The following UBE2L6 variants were observed in gnomAD, a reference collection of about 807,000 sequenced individuals.
The protein encoded by UBE2L6 is ubiquitin/ISG15-conjugating enzyme E2 L6.
In UBE2L6, 11 loss-of-function variants were observed where a neutral mutation model predicts 13.6. That is an observed-to-expected ratio of 0.81 (90% CI 0.51 to 1.34). UBE2L6 has a LOEUF of 1.34. Ranked by LOEUF, UBE2L6 falls within the 40% of genes most tolerant of loss-of-function variation. The pLI is 0.00. For missense variants in UBE2L6, 197 were observed against 199.5 expected (o/e 0.99, Z 0.07); for synonymous variants, 74 against 83.2 (o/e 0.89, Z 0.60).
At chr11:57,562,468 G>A (rs1945054675) in intron 1 of UBE2L6, among the ~76,000 whole-genome samples, 1 of 152,254 alleles carries the variant, frequency 6.6e-6, no homozygotes. Flanking sequence ...GAGCCCTAGG[G>A]CCTTGAGCGA....
chr11:57,561,082 C>G (rs1167421525), intron 1 of UBE2L6, among the ~76,000 whole-genome samples: 1 of 152,182 alleles, frequency 6.6e-6, no homozygotes, highest in Non-Finnish European at 1.5e-5. Flanking sequence ...TACTTAACCT[C>G]TGCTCTCTAG....
At chr11:57,556,456 T>C (rs1456214491) in intron 2 of UBE2L6, among the ~76,000 whole-genome samples, 1 of 151,866 alleles carries the variant, frequency 6.6e-6, no homozygotes, top group Non-Finnish European at 1.5e-5. Flanking sequence ...TGGTGGTGCA[T>C]GCCTGTAATA....
Position 57,552,477 on chromosome 11 carries a change from G to T in UBE2L6, c.343C>A (p.Pro115Thr). The T allele has an allele frequency of 1.2e-6, 2 of 1,614,172 alleles. No individual in the cohort carries two copies. Among genetic ancestry groups the T allele is most frequent in the Non-Finnish European group, 1.7e-6 (2 of 1,180,036 alleles). ...ATCCGCAGGGGCTCCCTGATATTCG[G>T]TCTATTCACCAGCACATTGAGGGCC... ...LEALNVLVNR[P>T]NIREPLRMDL... The change falls in exon 4 of 4, where the codon CCG becomes ACG. Residue 115 changes from proline (P) to threonine (T), a missense_variant. Coordinates refer to ENST00000287156, the MANE Select transcript of UBE2L6 (RefSeq NM_004223.5).
intron 1 of UBE2L6, among the ~76,000 whole-genome samples, chr11:57,563,972 C>T (rs1945066981): frequency 6.6e-6 from 1 of 152,032 alleles, no homozygotes; most frequent in Admixed American, 6.5e-5. Flanking sequence ...CTCAAAAGGG[C>T]AAATCTAAGA....
chr11:57,558,242 C>A (rs1945012129), intron 2 of UBE2L6, among the ~76,000 whole-genome samples: 1 of 152,052 alleles, frequency 6.6e-6, no homozygotes, highest in African/African-American at 2.4e-5. Context: ...CCATGCCCAG[C>A]TAATTTTTGT....
chr11:57,552,521 C>G lies in UBE2L6; in HGVS notation c.311-12G>C. 6.2e-7 allele frequency: 1 copy of G among 1,613,980 alleles called. No homozygotes were observed. On this transcript the variant is annotated splice_polypyrimidine_tract_variant and intron_variant, in intron 3 of 3. Coordinates refer to ENST00000287156, the MANE Select transcript of UBE2L6 (RefSeq NM_004223.5). The stretch of plus-strand genomic sequence containing the variant: ...GAGGGCCTCCAGGACTGGGGAGAGA[C>G]AGGCCAGATCAGGATATCAGGGCAG...
At chr11:57,559,512 G>C (rs1198617615) in intron 2 of UBE2L6, among the ~76,000 whole-genome samples, 14 of 152,126 alleles carry the variant, frequency 9.2e-5, no homozygotes, top group Admixed American at 9.2e-4. Flanking sequence ...TCAGGAGGCT[G>C]AGGCAGGAGA....
chr11:57,562,032 G>C (rs1945051736), intron 1 of UBE2L6, among the ~76,000 whole-genome samples: 1 of 152,242 alleles, frequency 6.6e-6, no homozygotes, highest in African/African-American at 2.4e-5. Flanking sequence ...ATAGAGGCCA[G>C]AGATGCTGAT....
Position 57,552,080 on chromosome 11 carries a change from G to T in UBE2L6, c.*278C>A. ...CTCTAAGATGGAGAGCTGGAGAACT[G>T]GCCTGTAACTGCAAACTTAAACTCC... On this transcript the variant is annotated 3_prime_UTR_variant, in exon 4 of 4. Transcript: ENST00000287156. 2.5e-6 allele frequency: 1 copy of T among 399,912 alleles called. No homozygotes were observed. The highest frequency in any genetic ancestry group is 4.6e-6 in the Non-Finnish European group (1 of 218,698). 24.8% of individuals were successfully genotyped at this position (399,912 alleles called of 1,614,324 possible). A position where few individuals can be genotyped will look rare whatever the true frequency, so the allele number is the denominator to read the frequency against.
chr11:57,555,571 A>T (rs1679488657), intron 2 of UBE2L6, among the ~76,000 whole-genome samples: 1 of 151,954 alleles, frequency 6.6e-6, no homozygotes, highest in African/African-American at 2.4e-5. Flanking sequence ...TGGTTGTGCA[A>T]CAATGTGTGT....
chr11:57,560,384 ACAGGTTCCG>A lies in UBE2L6; in HGVS notation c.67_75del (p.Arg23_Leu25del), dbSNP rs760868315. The A allele has an allele frequency of 1.7e-5, 28 of 1,613,904 alleles. No homozygotes were observed. The highest frequency in any genetic ancestry group is 3.3e-5 in the Admixed American group (2 of 60,008). On this transcript the variant is annotated inframe_deletion, in exon 2 of 4. Coordinates refer to ENST00000287156, the MANE Select transcript of UBE2L6 (RefSeq NM_004223.5). ...ACCAGGACATTGGCATCATCGCTGG[ACAGGTTCCG>A]CAGGTATGGGGGAGGCTTCTTCTGA... is the stretch of plus-strand genomic sequence containing the variant.
chr11:57,552,401 G>T lies in UBE2L6; in HGVS notation c.419C>A (p.Ala140Asp). 1 of 1,614,208 alleles carries T rather than the reference G, an allele frequency of 6.2e-7. No individual in the cohort carries two copies. The highest frequency in any genetic ancestry group is 1.1e-5 in the South Asian group (1 of 91,080). The part of the protein sequence containing the change: ...TQNPELFRKN[A>D]EEFTLRFGVD... ...TCCGAATCGGAGGGTGAACTCTTCG[G>T]CATTCTTTCTGAACAGCTCCGGATT... Residue 140 changes from alanine (A) to aspartate (D), a missense_variant, in exon 4 of 4, where the codon GCC becomes GAC. Ala to Asp is a moderately radical substitution (Grantham distance 126, BLOSUM62 -2). Transcript: ENST00000287156.
rs1554991546 is a variant in UBE2L6, at chr11:57,566,957, C to CG, written c.27+627_27+628insC. 7.9e-4 allele frequency: 174 copies of CG among 220,234 alleles called. 9 individuals are homozygous for CG. The highest frequency in any genetic ancestry group is 3.3e-3 in the African/African-American group (107 of 32,142). The allele number at this position is 220,234 out of a possible 1,614,324, so 13.6% of individuals were successfully genotyped here. On this transcript the variant is annotated intron_variant, in intron 1 of 3. Coordinates refer to ENST00000287156, the MANE Select transcript of UBE2L6 (RefSeq NM_004223.5). ...TGTTCATCTCTGCCCGCCCCCCCCC[C>CG]CCTCCTAGAACAGGGCCAGCACATG...
At chr11:57,564,107 G>C (rs1322724211) in intron 1 of UBE2L6, among the ~76,000 whole-genome samples, 1 of 152,138 alleles carries the variant, frequency 6.6e-6, no homozygotes, top group African/African-American at 2.4e-5. Context: ...GAAGGTTATA[G>C]AACACCAAGC....
chr11:57,564,062 C>T (rs1945067496), intron 1 of UBE2L6, among the ~76,000 whole-genome samples: 1 of 152,078 alleles, frequency 6.6e-6, no homozygotes. Context: ...GAGAATTTCC[C>T]AAATCTAGAG....
chr11:57,553,980 C>T (rs539107313), intron 3 of UBE2L6, among the ~76,000 whole-genome samples: 2 of 152,270 alleles, frequency 1.3e-5, no homozygotes, highest in Non-Finnish European at 1.5e-5. Flanking sequence ...CACTACCTCA[C>T]GGGCTTGTTG....
chr11:57,553,623 G>C (rs1161359030), intron 3 of UBE2L6, among the ~76,000 whole-genome samples: 1 of 152,232 alleles, frequency 6.6e-6, no homozygotes, highest in Non-Finnish European at 1.5e-5. Context: ...GAGGTCAGGA[G>C]TTCGAGACCA....
intron 1 of UBE2L6, 159 bp from the exon 2 acceptor site, chr11:57,560,591 A>G: frequency 3.4e-6 from 2 of 594,934 alleles, no homozygotes; most frequent in Non-Finnish European, 6.0e-6. Context: ...CTTAGTATGT[A>G]TCAGGCATGG....
chr11:57,565,491 A>G (rs1265157062), intron 1 of UBE2L6, among the ~76,000 whole-genome samples: 1 of 150,806 alleles, frequency 6.6e-6, no homozygotes, highest in Admixed American at 6.7e-5. Flanking sequence ...CAGCCTCCCA[A>G]GTAGCTAGGA....
Sources: allele counts gnomAD v4.1 joint callset (sites outside exome capture counted in the v4.1 genomes callset), GRCh38; gene constraint gnomAD v4.1.1; transcripts MANE v1.5; gene names NCBI Gene and HGNC (gene_info 2026-07-23, HGNC 2026-07-21).